Variants in DLC1 observed in about 807,000 individuals in gnomAD.
The protein encoded by DLC1 is rho GTPase-activating protein 7.
DLC1 carries 54 observed loss-of-function variants against 140.3 expected under a neutral mutation model. The observed-to-expected ratio is 0.38, with a 90% CI of 0.31 to 0.48. DLC1 has a LOEUF of 0.48. Ranked by LOEUF, DLC1 falls within the 20% of genes least tolerant of loss-of-function variation. The pLI is 0.96. For missense variants in DLC1, 2,536 were observed against 1,907.0 expected (o/e 1.33, Z -6.14); for synonymous variants, 986 against 728.1 (o/e 1.35, Z -5.70).
At chr8:13,424,931 C>A (rs984088578) in intron 2 of DLC1, among the ~76,000 whole-genome samples, 7 of 152,040 alleles carry the variant, frequency 4.6e-5, no homozygotes, top group Non-Finnish European at 8.8e-5. Flanking sequence ...CATAATGTAC[C>A]AATGCATATG....
chr8:13,131,116 C>T (rs1822036943), intron 5 of DLC1, among the ~76,000 whole-genome samples: 1 of 152,196 alleles, frequency 6.6e-6, no homozygotes, highest in African/African-American at 2.4e-5. Flanking sequence ...GGGGCTGCTG[C>T]CTTACAGGGC....
At chr8:13,343,110 G>T (rs1431954381) in intron 4 of DLC1, among the ~76,000 whole-genome samples, 2 of 152,168 alleles carry the variant, frequency 1.3e-5, no homozygotes, top group South Asian at 4.1e-4. Flanking sequence ...TTGTGAAACA[G>T]GCGCACTTGT....
intron 5 of DLC1, among the ~76,000 whole-genome samples, chr8:13,138,223 T>C (rs1239868618): frequency 6.6e-6 from 1 of 151,986 alleles, no homozygotes; most frequent in East Asian, 1.9e-4. Context: ...AACTGGGGGG[T>C]TCAGGACCCC....
At chr8:13,407,369 C>G (rs1837615184) in intron 2 of DLC1, among the ~76,000 whole-genome samples, 1 of 152,162 alleles carries the variant, frequency 6.6e-6, no homozygotes, top group Admixed American at 6.5e-5. Flanking sequence ...AAGATAATCC[C>G]AACACCCCTC....
chr8:13,341,069 A>C (rs1333197828), intron 4 of DLC1: 7 of 152,218 alleles, frequency 4.6e-5, no homozygotes, highest in African/African-American at 1.7e-4. Context: ...TAGGATTTGA[A>C]GGAAGGATTT....
chr8:13,168,793 G>C (rs1825271206), intron 5 of DLC1, among the ~76,000 whole-genome samples: 1 of 152,210 alleles, frequency 6.6e-6, no homozygotes, highest in Non-Finnish European at 1.5e-5. Flanking sequence ...GGACACACGG[G>C]TGACCTTCTC....
chr8:13,431,780 G>C (rs369702585), intron 2 of DLC1, among the ~76,000 whole-genome samples: 1 of 152,254 alleles, frequency 6.6e-6, no homozygotes, highest in African/African-American at 2.4e-5. Context: ...GAACGTGGGT[G>C]GGGAAGTGGG....
rs1167074629 is a variant in DLC1, at chr8:13,100,747, C to T, written c.1590G>A (p.Glu530=). 3 of 1,582,838 alleles carry T rather than the reference C, an allele frequency of 1.9e-6. No individual in the cohort carries two copies. Among genetic ancestry groups the T allele is most frequent in the South Asian group, 2.3e-5 (2 of 85,772 alleles). The change falls in exon 9 of 18, where the codon GAG becomes GAA. Residue 530 remains glutamate (E), a synonymous_variant. Coordinates refer to ENST00000276297, the MANE Select transcript of DLC1 (RefSeq NM_182643.3). ...TCCATTTGCCACTGATGGCACAAGG[C>T]TCATCCTCGTCTGAATCGTCACTCT... is the stretch of plus-strand genomic sequence containing the variant. ...RKRSDDSDED[E]PCAISGKWTF... is the part of the protein sequence containing the mutation.
At chr8:13,217,209 T>C (rs1056885869) in intron 5 of DLC1, among the ~76,000 whole-genome samples, 1 of 152,174 alleles carries the variant, frequency 6.6e-6, no homozygotes, top group Non-Finnish European at 1.5e-5. Context: ...GCTTTTCCAT[T>C]TGTCTATGCC....
intron 2 of DLC1, among the ~76,000 whole-genome samples, chr8:13,421,841 T>C (rs1054200338): frequency 6.6e-6 from 1 of 152,192 alleles, no homozygotes. Flanking sequence ...AATTTCTGCC[T>C]AGGGAATCTC....
In DLC1 at chr8:13,366,184, T is replaced by C. The variant is rs370129618; in HGVS notation, c.1314+27369A>G. Among the ~76,000 whole-genome samples, 456 of 152,328 alleles carry C rather than the reference T, an allele frequency of 3.0e-3. 4 individuals carry two copies. The highest frequency in any genetic ancestry group is 9.5e-3 in the African/African-American group (396 of 41,572). On this transcript the variant is annotated intron_variant, in intron 4 of 17. Transcript: ENST00000276297. Reference sequence around the variant, plus strand: ...GTTCCTCCTAGTCCTGGAATTCCTATTGGGAGCCCAGGGCTGAAGGGGCAG... The same window carrying C: ...GTTCCTCCTAGTCCTGGAATTCCTACTGGGAGCCCAGGGCTGAAGGGGCAG...
At chr8:13,316,268 C>T (rs970012613) in intron 4 of DLC1, among the ~76,000 whole-genome samples, 3 of 152,068 alleles carry the variant, frequency 2.0e-5, no homozygotes, top group African/African-American at 4.8e-5. Flanking sequence ...GGTGGAAGGG[C>T]AATGTGGGTT....
At chr8:13,086,104 G>C in intron 17 of DLC1, 173 bp from the exon 18 acceptor site, 1 of 1,343,656 alleles carries the variant, frequency 7.4e-7, no homozygotes, top group Non-Finnish European at 9.9e-7. Flanking sequence ...ATTTTCTAAG[G>C]GAACCAAATT....
chr8:13,343,358 A>C (rs1251880871), intron 4 of DLC1, among the ~76,000 whole-genome samples: 1 of 152,112 alleles, frequency 6.6e-6, no homozygotes, highest in African/African-American at 2.4e-5. Flanking sequence ...ATTCTGCATA[A>C]CTCCTGAGAT....
At position 13,099,335 on chromosome 8, in the gene DLC1, A is replaced by G; in HGVS notation, c.2990+12T>C. ...AGTGCCCCACACCCGGAGGCAGGAG[A>G]AAAGTTCTTACCTGTTGGACCTGGT... On this transcript the variant is annotated intron_variant, in intron 9 of 17. Transcript: ENST00000276297. 6.2e-7 allele frequency: 1 copy of G among 1,607,736 alleles called. No homozygotes were observed. The highest frequency in any genetic ancestry group is 8.5e-7 in the Non-Finnish European group (1 of 1,177,022).
chr8:13,477,878 A>G (rs1245562479), intron 2 of DLC1, among the ~76,000 whole-genome samples: 2 of 152,192 alleles, frequency 1.3e-5, no homozygotes, highest in African/African-American at 4.8e-5. Context: ...AATAGTAGAG[A>G]AACAGACTGC....
intron 4 of DLC1, among the ~76,000 whole-genome samples, chr8:13,333,203 T>C (rs1339293059): frequency 6.6e-6 from 1 of 152,202 alleles, no homozygotes; most frequent in East Asian, 1.9e-4. Context: ...TTCTTTGAGA[T>C]ACAGAATAAA....
chr8:13,574,427 G>C (rs1038815619), intron 1 of DLC1, among the ~76,000 whole-genome samples: 1 of 151,868 alleles, frequency 6.6e-6, no homozygotes. Context: ...TATTCAAAGG[G>C]GGTTGGATAT....
intron 2 of DLC1, among the ~76,000 whole-genome samples, chr8:13,481,936 C>T (rs577917031): frequency 1.3e-5 from 2 of 152,066 alleles, no homozygotes; most frequent in Non-Finnish European, 2.9e-5. Context: ...AGATAATATA[C>T]CTACAAGTCT....
Sources: gnomAD v4.1 joint callset for allele counts (sites outside exome capture counted in the v4.1 genomes callset) on GRCh38, gnomAD v4.1.1 for gene constraint, MANE v1.5 for transcripts, NCBI Gene and HGNC (gene_info 2026-07-23, HGNC 2026-07-21) for gene names.